GPHN: variants seen among roughly 807,000 people sequenced by gnomAD.
GPHN encodes the protein gephyrin.
GPHN carries 17 observed loss-of-function variants against 95.5 expected under a neutral mutation model. The observed-to-expected ratio is 0.18, with a 90% CI of 0.12 to 0.27. The LOEUF is 0.27. Among genes scored for constraint, GPHN ranks in the 10% least tolerant of loss-of-function variants. The pLI, the probability that GPHN is intolerant of heterozygous loss-of-function variation, is 1.00. For missense variants in GPHN, 660 were observed against 978.1 expected, an observed-to-expected ratio of 0.67 and a Z score of 4.34; for synonymous variants, 320 against 322.5, an observed-to-expected ratio of 0.99 and a Z score of 0.08.
At chr14:66,935,653 C>T (rs527487588) in intron 8 of GPHN, among the ~76,000 whole-genome samples, 16 of 150,940 alleles carry the variant, frequency 1.1e-4, no homozygotes, top group African/African-American at 3.4e-4. Flanking sequence ...TATGTGTATA[C>T]GTGTGTTTAT....
intron 1 of GPHN, among the ~76,000 whole-genome samples, chr14:66,605,428 A>G (rs1426445265): frequency 1.3e-5 from 2 of 150,270 alleles, no homozygotes; most frequent in Admixed American, 6.6e-5. Context: ...TGTAGTTTTG[A>G]TTTGCATTTC....
chr14:66,858,933 G>T (rs961536794), intron 4 of GPHN, among the ~76,000 whole-genome samples: 1 of 152,122 alleles, frequency 6.6e-6, no homozygotes, highest in African/African-American at 2.4e-5. Context: ...GGAAAATAGA[G>T]GGAAGAGTGG....
the GPHN span, among the ~76,000 whole-genome samples, chr14:67,242,216 A>T: frequency 1.3e-5 from 2 of 152,198 alleles, no homozygotes; most frequent in African/African-American, 4.8e-5. Flanking sequence ...CTGTTGATTG[A>T]CATACAGTAA....
chr14:66,896,794 A>C lies in GPHN; in HGVS notation c.389+16761A>C, dbSNP rs901219568. 3.3e-5 allele frequency among the ~76,000 whole-genome samples: 5 copies of C among 152,180 alleles called. No individual in the cohort carries two copies. In the East Asian group the frequency reaches 5.8e-4, roughly 18 times the overall value. On this transcript the variant is annotated intron_variant, in intron 5 of 22. Coordinates refer to ENST00000478722, the MANE Select transcript of GPHN (RefSeq NM_020806.5). ...TAAAGTAAGATAAGAAAGGGAGAAA[A>C]AAACAAACAAACAAAACAAAACAAA...
chr14:67,213,427 T>C, the GPHN span, among the ~76,000 whole-genome samples: 2 of 147,324 alleles, frequency 1.4e-5, no homozygotes, highest in Admixed American at 6.8e-5. Flanking sequence ...TGGTTTTTTG[T>C]TCTTGCGATA....
At chr14:66,776,768 T>TA (rs1435221283) in intron 3 of GPHN, among the ~76,000 whole-genome samples, 1 of 152,174 alleles carries the variant, frequency 6.6e-6, no homozygotes, top group African/African-American at 2.4e-5. Flanking sequence ...TGTAGTTCAT[T>TA]AAAAATCTAC....
intron 9 of GPHN, among the ~76,000 whole-genome samples, chr14:66,996,732 T>C (rs2071827053): frequency 1.3e-5 from 2 of 152,134 alleles, no homozygotes. Context: ...ATGTATCCCT[T>C]TTTTAAAATC....
intron 2 of GPHN, among the ~76,000 whole-genome samples, chr14:66,745,859 T>C (rs2058128167): frequency 6.6e-6 from 1 of 152,014 alleles, no homozygotes; most frequent in African/African-American, 2.4e-5. Context: ...TTCTTAATAG[T>C]CACATCATCA....
the GPHN span, among the ~76,000 whole-genome samples, chr14:67,660,654 AG>A: frequency 1.4e-3 from 220 of 152,352 alleles, no homozygotes; most frequent in Non-Finnish European, 2.6e-3. Context: ...TACCCAGAGC[AG>A]TCTGCTTTAG....
At chr14:67,411,394 C>T in the GPHN span, among the ~76,000 whole-genome samples, 2 of 152,010 alleles carry the variant, frequency 1.3e-5, no homozygotes, top group Admixed American at 1.3e-4. Flanking sequence ...CTCAGTTTCC[C>T]CGTCTGTAAT....
At chr14:67,505,656 T>C in the GPHN span, among the ~76,000 whole-genome samples, 1 of 151,588 alleles carries the variant, frequency 6.6e-6, no homozygotes, top group Non-Finnish European at 1.5e-5. Context: ...GGTGAACCAC[T>C]GGATTTCAGG....
chr14:66,812,402 A>G (rs2060799912), intron 3 of GPHN, among the ~76,000 whole-genome samples: 1 of 152,268 alleles, frequency 6.6e-6, no homozygotes, highest in African/African-American at 2.4e-5. Context: ...TATTTCACAA[A>G]GAAACAAGTG....
the GPHN span, among the ~76,000 whole-genome samples, chr14:67,508,753 C>CAAAAAAAAAAAAAA: frequency 1.2e-3 from 57 of 46,708 alleles, 5 homozygotes; most frequent in South Asian, 1.9e-3. Context: ...AACCTTGTCT[C>CAAAAAAAAAAAAAA]AAAAAAAAAA....
At chr14:67,313,422 A>C in the GPHN span, among the ~76,000 whole-genome samples, 1 of 152,184 alleles carries the variant, frequency 6.6e-6, no homozygotes, top group Non-Finnish European at 1.5e-5. Flanking sequence ...GGTATAGCCT[A>C]TTCCTCCAAC....
At chr14:66,748,792 A>G (rs1056696067) in intron 2 of GPHN, among the ~76,000 whole-genome samples, 6 of 152,036 alleles carry the variant, frequency 3.9e-5, no homozygotes, top group African/African-American at 1.2e-4. Flanking sequence ...AATATTTTAA[A>G]TAATTTTAGG....
chr14:67,036,538 C>G (rs570787952), intron 10 of GPHN, among the ~76,000 whole-genome samples: 2,208 of 149,924 alleles, frequency 0.015, 38 homozygotes, highest in African/African-American at 0.023. Context: ...CACACACACA[C>G]ACAGAGAAAC....
chr14:66,560,745 C>T (rs1407167844), intron 1 of GPHN, among the ~76,000 whole-genome samples: 2 of 152,110 alleles, frequency 1.3e-5, no homozygotes, highest in Non-Finnish European at 2.9e-5. Flanking sequence ...CCTTCTCCTG[C>T]CTGATTGTTC....
At chr14:66,770,559 G>A (rs2153457706) in intron 2 of GPHN, among the ~76,000 whole-genome samples, 1 of 152,036 alleles carries the variant, frequency 6.6e-6, no homozygotes, top group East Asian at 1.9e-4. Context: ...CCCTTCTATT[G>A]TGCAATATGT....
At chr14:67,473,257 C>G in the GPHN span, 11 of 963,246 alleles carry the variant, frequency 1.1e-5, no homozygotes, top group Non-Finnish European at 1.5e-5. The surrounding 1 kb of genome is among the most constrained non-coding windows in gnomAD (Gnocchi z 6.5). Flanking sequence ...CCACGGCCCC[C>G]CAACACCGGC....
Sources: allele counts gnomAD v4.1 joint callset (sites outside exome capture counted in the v4.1 genomes callset), GRCh38; gene constraint gnomAD v4.1.1; non-coding constraint Gnocchi (gnomAD v3.1); transcripts MANE v1.5; gene names NCBI Gene and HGNC (gene_info 2026-07-23, HGNC 2026-07-21).